The following SLAIN2 variants were observed in gnomAD, a reference collection of about 807,000 sequenced individuals.
SLAIN2 encodes the protein SLAIN motif-containing protein 2.
Under a neutral mutation model 56.6 loss-of-function variants are expected in SLAIN2, and 31 were observed. That is an observed-to-expected ratio of 0.55 (90% CI 0.41 to 0.74). The LOEUF (loss-of-function observed/expected upper bound fraction) is 0.74. SLAIN2 is among the 30% of genes least tolerant of loss of function. The pLI is 0.00. For synonymous variants in SLAIN2, 317 were observed against 284.9 expected (o/e 1.11, Z -1.13); for missense variants, 777 against 754.2 (o/e 1.03, Z -0.35).
At chr4:48,372,961 G>A (rs1159141299) in intron 2 of SLAIN2, among the ~76,000 whole-genome samples, 1 of 151,988 alleles carries the variant, frequency 6.6e-6, no homozygotes, top group Non-Finnish European at 1.5e-5. Context: ...CAGCAGAACA[G>A]TTATTACTCC....
At chr4:48,374,034 A>G (rs1715737972) in intron 2 of SLAIN2, among the ~76,000 whole-genome samples, 1 of 152,134 alleles carries the variant, frequency 6.6e-6, no homozygotes, top group South Asian at 2.1e-4. Flanking sequence ...GTGAAACTCC[A>G]TCTCAGAAAA....
chr4:48,404,887 G>A (rs1256204998), intron 6 of SLAIN2, among the ~76,000 whole-genome samples: 2 of 152,056 alleles, frequency 1.3e-5, no homozygotes, highest in African/African-American at 2.4e-5. Context: ...TGCTGCTGCC[G>A]TGAAACATTT....
At chr4:48,412,440 T>A (rs1448916205) in intron 6 of SLAIN2, among the ~76,000 whole-genome samples, 1 of 150,540 alleles carries the variant, frequency 6.6e-6, no homozygotes, top group Non-Finnish European at 1.5e-5. Context: ...TCTCTCTCTG[T>A]GTCTCAGCTT....
In SLAIN2 at chr4:48,378,013, C is replaced by G; in HGVS notation, c.656C>G (p.Pro219Arg). 6.2e-7 allele frequency: 1 copy of G among 1,613,946 alleles called. No homozygotes were observed. The highest frequency in any genetic ancestry group is 1.1e-5 in the South Asian group (1 of 91,090). ...SSGFNSPSST[P>R]VRPPIVKQLI... is the part of the protein sequence containing the mutation. ...GGCTTCAATTCTCCATCCTCAACCC[C>G]AGTGCGACCTCCTATAGTCAAACAG... Residue 219 changes from proline to arginine, a missense_variant, in exon 3 of 8, where the codon CCA becomes CGA. Physicochemically the swap from Pro to Arg is moderately radical, Grantham distance 103. Coordinates refer to ENST00000264313, the MANE Select transcript of SLAIN2 (RefSeq NM_020846.2).
chr4:48,344,414 TC>T (rs1027466315), intron 1 of SLAIN2, among the ~76,000 whole-genome samples: 11 of 152,158 alleles, frequency 7.2e-5, no homozygotes, highest in African/African-American at 2.7e-4. Flanking sequence ...GAATGTTTCC[TC>T]CCGAGTGTAT....
At chr4:48,397,627 A>G (rs141621243) in intron 6 of SLAIN2, among the ~76,000 whole-genome samples, 2,319 of 152,138 alleles carry the variant, frequency 0.015, 42 homozygotes, top group African/African-American at 0.052. Context: ...TAAGCCCAGC[A>G]TTCATTAGCT....
chr4:48,420,011 G>T (rs754848400), intron 6 of SLAIN2, 114 bp from the exon 7 acceptor site: 34 of 1,037,694 alleles, frequency 3.3e-5, no homozygotes, highest in Admixed American at 1.9e-4. Flanking sequence ...GCATTGCTGT[G>T]AAGTTTCCTG....
At chr4:48,359,937 C>T (rs1238367631) in intron 1 of SLAIN2, among the ~76,000 whole-genome samples, 21 of 151,928 alleles carry the variant, frequency 1.4e-4, no homozygotes, top group Non-Finnish European at 2.9e-4. Context: ...GGGTGGATCA[C>T]GAGGTCAGGA....
intron 6 of SLAIN2, 72 bp from the exon 7 acceptor site, chr4:48,420,053 T>C: frequency 3.4e-6 from 5 of 1,452,010 alleles, no homozygotes; most frequent in Non-Finnish European, 4.7e-6. Context: ...AATCATCAGT[T>C]GTAATTTAAA....
chr4:48,413,838 T>A (rs1038556055), intron 6 of SLAIN2, among the ~76,000 whole-genome samples: 19 of 152,224 alleles, frequency 1.2e-4, no homozygotes, highest in Non-Finnish European at 2.4e-4. Context: ...ATCTAACTTT[T>A]GTATTGCTAG....
Position 48,425,377 on chromosome 4 carries a change from A to G in SLAIN2, c.*3300A>G, listed in dbSNP as rs1717274292. The G allele has an allele frequency of 6.6e-6, 1 of 152,148 alleles. No individual in the cohort carries two copies. The highest frequency in any genetic ancestry group is 1.5e-5 in the Non-Finnish European group (1 of 67,994). The allele number at this position is 152,148 out of a possible 1,614,324, so 9.4% of individuals were successfully genotyped here. ...GTTAGAAAAAAACAAGCAAAAAGCT[A>G]TTATGAGTTTCCAAGAGGGACAATT... On this transcript the variant is annotated 3_prime_UTR_variant, in exon 8 of 8. Transcript: ENST00000264313.
chr4:48,351,831 C>T (rs1715016108), intron 1 of SLAIN2, among the ~76,000 whole-genome samples: 1 of 152,112 alleles, frequency 6.6e-6, no homozygotes, highest in South Asian at 2.1e-4. Flanking sequence ...TCTCTGAAAC[C>T]AGTAATATTT....
chr4:48,380,096 A>G lies in SLAIN2; in HGVS notation c.862+248A>G, dbSNP rs112727640. 5.4e-3 allele frequency among the ~76,000 whole-genome samples: 815 copies of G among 152,198 alleles called. 10 individuals are homozygous for G. Among genetic ancestry groups the G allele is most frequent in the African/African-American group, 0.018 (767 of 41,558 alleles). On this transcript the variant is annotated intron_variant, in intron 4 of 7. Coordinates refer to ENST00000264313, the MANE Select transcript of SLAIN2 (RefSeq NM_020846.2). ...ACAGCATTTATGCTGCTCTGCTTCT[A>G]TGACTGGTTTTTATACCCTGCATGT...
chr4:48,418,118 C>T (rs1380208482), intron 6 of SLAIN2, among the ~76,000 whole-genome samples: 1 of 151,244 alleles, frequency 6.6e-6, no homozygotes, highest in East Asian at 1.9e-4. Context: ...CTCCCTCCTT[C>T]CTCCTTCTTT....
intron 6 of SLAIN2, among the ~76,000 whole-genome samples, chr4:48,395,810 CTTTT>C (rs10649464): frequency 8.2e-5 from 6 of 72,792 alleles, no homozygotes; most frequent in Admixed American, 1.6e-4. Context: ...GAACCTTAGG[CTTTT>C]TTTTTTTTTT....
intron 1 of SLAIN2, among the ~76,000 whole-genome samples, chr4:48,359,600 C>G (rs1715261599): frequency 6.6e-6 from 1 of 152,078 alleles, no homozygotes; most frequent in East Asian, 1.9e-4. Flanking sequence ...AGACATACTC[C>G]AAATTGTAAA....
chr4:48,414,564 T>C (rs1232442070), intron 6 of SLAIN2, among the ~76,000 whole-genome samples: 8 of 100,342 alleles, frequency 8.0e-5, no homozygotes, highest in African/African-American at 2.5e-4. Flanking sequence ...TTTTTTTTTT[T>C]TTTTTTATTA....
intron 6 of SLAIN2, among the ~76,000 whole-genome samples, chr4:48,389,979 G>A (rs114464718): frequency 1.4e-3 from 209 of 152,284 alleles, no homozygotes; most frequent in African/African-American, 4.9e-3. Flanking sequence ...AACCACTTAG[G>A]CTATTATTGC....
chr4:48,354,784 G>T (rs375751246), intron 1 of SLAIN2, among the ~76,000 whole-genome samples: 55 of 152,100 alleles, frequency 3.6e-4, no homozygotes, highest in African/African-American at 1.2e-3. Context: ...ATTTTGAAAG[G>T]AACAAATAAT....
Sources: gnomAD v4.1 joint callset for allele counts (sites outside exome capture counted in the v4.1 genomes callset) on GRCh38, gnomAD v4.1.1 for gene constraint, MANE v1.5 for transcripts, NCBI Gene and HGNC (gene_info 2026-07-23, HGNC 2026-07-21) for gene names.